ATP8B4: variants seen among roughly 807,000 people sequenced by gnomAD.
The protein encoded by ATP8B4 is probable phospholipid-transporting ATPase IM.
ATP8B4 carries 133 observed loss-of-function variants against 145.6 expected under a neutral mutation model. The ratio of observed to expected loss-of-function variants is 0.91; its 90% CI spans 0.79 to 1.05. The LOEUF is 1.05. Ranked by LOEUF, ATP8B4 falls within the 50% of genes least tolerant of loss-of-function variation. The pLI is 0.00. For missense variants in ATP8B4, 1,458 were observed against 1,425.2 expected (o/e 1.02, Z -0.37); for synonymous variants, 507 against 492.9 (o/e 1.03, Z -0.38).
chr15:50,039,134 G>T (rs1448158268), intron 5 of ATP8B4, among the ~76,000 whole-genome samples: 1 of 152,212 alleles, frequency 6.6e-6, no homozygotes, highest in African/African-American at 2.4e-5. Flanking sequence ...TATAGTCTCA[G>T]AGAAAACCAT....
chr15:49,946,456 G>T (rs1018498283), intron 14 of ATP8B4, among the ~76,000 whole-genome samples: 2 of 152,186 alleles, frequency 1.3e-5, no homozygotes, highest in African/African-American at 4.8e-5. Flanking sequence ...AGTAGCCACA[G>T]ATTAGAACTT....
chr15:49,886,811 A>ATT (rs200775433), intron 23 of ATP8B4, among the ~76,000 whole-genome samples: 31 of 144,656 alleles, frequency 2.1e-4, no homozygotes, highest in African/African-American at 6.1e-4. Context: ...GCCACAAGCA[A>ATT]TTTTTTTTTT....
At chr15:49,965,335 T>A (rs1003401931) in intron 13 of ATP8B4, among the ~76,000 whole-genome samples, 5 of 152,224 alleles carry the variant, frequency 3.3e-5, no homozygotes, top group Admixed American at 2.6e-4. Context: ...AAGTTTCCCA[T>A]CAGGGGACAA....
At chr15:49,889,534 A>G (rs1252664518) in intron 23 of ATP8B4, among the ~76,000 whole-genome samples, 2 of 152,248 alleles carry the variant, frequency 1.3e-5, no homozygotes, top group Non-Finnish European at 2.9e-5. Flanking sequence ...CCCAGACTAC[A>G]TCACATCACC....
At chr15:50,111,647 C>G (rs1420812904) in intron 1 of ATP8B4, among the ~76,000 whole-genome samples, 3 of 152,190 alleles carry the variant, frequency 2.0e-5, no homozygotes, top group Non-Finnish European at 4.4e-5. Flanking sequence ...TCTTGGATTC[C>G]TGCTTTTTCT....
At chr15:50,159,389 T>C (rs2044481661) in intron 1 of ATP8B4, among the ~76,000 whole-genome samples, 1 of 152,248 alleles carries the variant, frequency 6.6e-6, no homozygotes, top group African/African-American at 2.4e-5. Context: ...TCTAATCGTT[T>C]TTTAGCCGAG....
At chr15:50,087,283 T>C (rs1390328452) in intron 2 of ATP8B4, among the ~76,000 whole-genome samples, 1 of 129,548 alleles carries the variant, frequency 7.7e-6, no homozygotes, top group Non-Finnish European at 1.5e-5. Flanking sequence ...TATAATAGAA[T>C]AATATATAGA....
intron 16 of ATP8B4, among the ~76,000 whole-genome samples, chr15:49,927,204 G>C (rs2040805498): frequency 6.6e-6 from 1 of 151,930 alleles, no homozygotes; most frequent in Non-Finnish European, 1.5e-5. Context: ...TTTTTATGTA[G>C]ATACTTCTGA....
At chr15:49,965,606 T>G (rs760759286) in intron 13 of ATP8B4, among the ~76,000 whole-genome samples, 2 of 151,862 alleles carry the variant, frequency 1.3e-5, no homozygotes, top group Non-Finnish European at 2.9e-5. Context: ...AAACAAGAAG[T>G]GGGTATTAAT....
At chr15:50,139,458 G>T (rs1389066907) in intron 1 of ATP8B4, among the ~76,000 whole-genome samples, 1 of 152,122 alleles carries the variant, frequency 6.6e-6, no homozygotes, top group African/African-American at 2.4e-5. Context: ...CAAGGGGAGG[G>T]ATAGCACTAG....
chr15:50,040,625 C>T (rs2051203057), intron 5 of ATP8B4, among the ~76,000 whole-genome samples: 1 of 152,178 alleles, frequency 6.6e-6, no homozygotes, highest in Admixed American at 6.5e-5. Context: ...AATTGACTAG[C>T]TGAACATCAC....
intron 1 of ATP8B4, among the ~76,000 whole-genome samples, chr15:50,161,373 A>T (rs1455472362): frequency 6.6e-6 from 1 of 151,978 alleles, no homozygotes; most frequent in Admixed American, 6.6e-5. Context: ...ATTCAATGTT[A>T]TTATTAATAG....
intron 7 of ATP8B4, among the ~76,000 whole-genome samples, chr15:50,006,820 A>C (rs1291062747): frequency 6.6e-6 from 1 of 152,220 alleles, no homozygotes; most frequent in Non-Finnish European, 1.5e-5. Flanking sequence ...TATTTCTACC[A>C]TCAGCTAAGA....
chr15:50,158,472 CGGGA>C (rs1367622355), intron 1 of ATP8B4, among the ~76,000 whole-genome samples: 2 of 150,954 alleles, frequency 1.3e-5, no homozygotes, highest in African/African-American at 4.9e-5. Flanking sequence ...CCGCCCCGTC[CGGGA>C]GGGAGGTGGG....
chr15:50,114,298 C>G (rs2057097203), intron 1 of ATP8B4: 1 of 151,934 alleles, frequency 6.6e-6, no homozygotes, highest in South Asian at 2.1e-4. Flanking sequence ...ATAAAGTCCA[C>G]TGTGCCATTC....
At chr15:49,903,730 A>G (rs1383995851) in intron 20 of ATP8B4, among the ~76,000 whole-genome samples, 2 of 152,122 alleles carry the variant, frequency 1.3e-5, no homozygotes, top group East Asian at 3.9e-4. Context: ...CCCCATCTCT[A>G]CCAAAAATAC....
intron 8 of ATP8B4, among the ~76,000 whole-genome samples, chr15:49,999,844 C>G (rs996395495): frequency 6.6e-6 from 1 of 152,124 alleles, no homozygotes; most frequent in African/African-American, 2.4e-5. Flanking sequence ...ACCCACCTCC[C>G]TGCCTTTCCC....
At chr15:50,040,357 G>A (rs1393910735) in intron 5 of ATP8B4, among the ~76,000 whole-genome samples, 1 of 152,164 alleles carries the variant, frequency 6.6e-6, no homozygotes, top group Non-Finnish European at 1.5e-5. Context: ...TGCCTCTTCA[G>A]GTCTAGTAGT....
At chr15:50,128,918 A>T (rs2057325274) in intron 1 of ATP8B4, among the ~76,000 whole-genome samples, 1 of 152,122 alleles carries the variant, frequency 6.6e-6, no homozygotes, top group Admixed American at 6.5e-5. Context: ...AAATACAAAA[A>T]TTAGCTGGGC....
Sources: allele counts gnomAD v4.1 joint callset (sites outside exome capture counted in the v4.1 genomes callset), GRCh38; gene constraint gnomAD v4.1.1; transcripts MANE v1.5; gene names NCBI Gene and HGNC (gene_info 2026-07-23, HGNC 2026-07-21).